The following SPATA16 variants were observed in gnomAD, a reference collection of about 807,000 sequenced individuals.
SPATA16 encodes the protein spermatogenesis associated 16.
In SPATA16, 36 loss-of-function variants were observed where a neutral mutation model predicts 63.3. That is an observed-to-expected ratio of 0.57 (90% confidence interval 0.44 to 0.75). The LOEUF is 0.75. SPATA16 is among the 30% of genes least tolerant of loss of function. The probability of loss-of-function intolerance (pLI) is 0.00; values close to 1 mark genes in which losing one functional copy is unlikely to be tolerated. For synonymous variants in SPATA16, 203 were observed against 216.7 expected (o/e 0.94, Z 0.56); for missense variants, 646 against 679.3 (o/e 0.95, Z 0.54).
intron 2 of SPATA16, among the ~76,000 whole-genome samples, chr3:173,108,348 A>C (rs1477691530): frequency 6.6e-6 from 1 of 152,198 alleles, no homozygotes; most frequent in African/African-American, 2.4e-5. Flanking sequence ...ATGACAATTT[A>C]CATTTTTATA....
At chr3:173,057,115 C>CT (rs397876631) in intron 2 of SPATA16, among the ~76,000 whole-genome samples, 39,701 of 138,116 alleles carry the variant, frequency 0.29, 5,788 homozygotes, top group East Asian at 0.39. Flanking sequence ...CTTTTCTTTT[C>CT]TTTTTTTTTT....
intron 2 of SPATA16, among the ~76,000 whole-genome samples, chr3:173,116,327 G>A (rs1002449845): frequency 8.5e-5 from 13 of 152,176 alleles, no homozygotes; most frequent in African/African-American, 2.4e-4. Context: ...GCATTGAAAT[G>A]TTTTTTGTAA....
At chr3:173,061,677 C>T (rs998283442) in intron 2 of SPATA16, among the ~76,000 whole-genome samples, 1 of 152,158 alleles carries the variant, frequency 6.6e-6, no homozygotes, top group African/African-American at 2.4e-5. Context: ...GAAAGAAGCT[C>T]TACACTGTAG....
intron 7 of SPATA16, among the ~76,000 whole-genome samples, 186 bp downstream of exon 7, chr3:172,925,160 G>C (rs1455957213): frequency 2.6e-5 from 4 of 152,196 alleles, no homozygotes; most frequent in South Asian, 2.1e-4. Flanking sequence ...ATTAGAGTGA[G>C]GGGGGTGGGC....
intron 3 of SPATA16, among the ~76,000 whole-genome samples, chr3:173,027,706 A>G (rs145178800): frequency 1.3e-3 from 200 of 151,798 alleles, no homozygotes; most frequent in Admixed American, 2.4e-3. Context: ...TCCTCTTGGT[A>G]TCTTCCCCGG....
intron 4 of SPATA16, among the ~76,000 whole-genome samples, chr3:173,014,259 G>T (rs1005626127): frequency 6.6e-6 from 1 of 152,184 alleles, no homozygotes; most frequent in Non-Finnish European, 1.5e-5. Flanking sequence ...GCCATATAAA[G>T]AATGAAACCA....
intron 6 of SPATA16, among the ~76,000 whole-genome samples, chr3:172,956,063 A>G (rs892637955): frequency 1.3e-5 from 2 of 152,176 alleles, no homozygotes; most frequent in Admixed American, 6.6e-5. Flanking sequence ...TTTAATGCCA[A>G]AAAAATCCTC....
At chr3:173,118,487 G>A (rs78123760) in intron 1 of SPATA16, among the ~76,000 whole-genome samples, 1,953 of 152,212 alleles carry the variant, frequency 0.013, 41 homozygotes, top group African/African-American at 0.044. Context: ...ACAGTCTTTT[G>A]ATTCCAAGAT....
chr3:172,954,213 A>T (rs1733517298), intron 6 of SPATA16, among the ~76,000 whole-genome samples: 1 of 152,218 alleles, frequency 6.6e-6, no homozygotes, highest in Admixed American at 6.5e-5. Flanking sequence ...GGGAGGCCTC[A>T]CAATCATGGT....
intron 6 of SPATA16, among the ~76,000 whole-genome samples, chr3:172,929,242 AT>A (rs1328491337): frequency 6.6e-6 from 1 of 152,216 alleles, no homozygotes; most frequent in Non-Finnish European, 1.5e-5. Context: ...TTAAAAAAAA[AT>A]CAGTTTGCAT....
At chr3:172,959,042 C>A (rs9852333) in intron 5 of SPATA16, among the ~76,000 whole-genome samples, 1 of 151,922 alleles carries the variant, frequency 6.6e-6, no homozygotes, top group Non-Finnish European at 1.5e-5. Context: ...CTGATGGTCT[C>A]TGAATATCTT....
At chr3:173,116,418 T>C (rs558823978) in intron 2 of SPATA16, among the ~76,000 whole-genome samples, 25 of 152,350 alleles carry the variant, frequency 1.6e-4, no homozygotes, top group Non-Finnish European at 2.8e-4. Flanking sequence ...GGTCCTTCTA[T>C]AGGTACAGTA....
At chr3:173,137,069 G>A (rs993443527) in intron 1 of SPATA16, among the ~76,000 whole-genome samples, 1 of 152,138 alleles carries the variant, frequency 6.6e-6, no homozygotes, top group African/African-American at 2.4e-5. Context: ...GTAGAAATGG[G>A]GTCTAAAGAG....
At chr3:172,936,717 A>AC (rs1042617636) in intron 6 of SPATA16, among the ~76,000 whole-genome samples, 70 of 151,432 alleles carry the variant, frequency 4.6e-4, no homozygotes, top group African/African-American at 1.6e-3. Context: ...TTATTTATTT[A>AC]TTTTTTTTGA....
At chr3:173,065,813 G>A (rs1376861272) in intron 2 of SPATA16, among the ~76,000 whole-genome samples, 1 of 152,098 alleles carries the variant, frequency 6.6e-6, no homozygotes, top group Admixed American at 6.6e-5. Flanking sequence ...TGGGCCAGAG[G>A]GGAATTCCCT....
chr3:172,972,874 C>G (rs115313647), intron 5 of SPATA16, among the ~76,000 whole-genome samples: 2 of 152,018 alleles, frequency 1.3e-5, no homozygotes, highest in Admixed American at 1.3e-4. Flanking sequence ...AACAAATTGC[C>G]GACATAGATA....
intron 1 of SPATA16, among the ~76,000 whole-genome samples, chr3:173,130,383 A>AAAAAAAAAAAT (rs1738345363): frequency 6.7e-6 from 1 of 149,862 alleles, no homozygotes; most frequent in East Asian, 1.9e-4. Flanking sequence ...AAAAAAAAAA[A>AAAAAAAAAAAT]GAAATTCTAT....
At chr3:172,895,882 G>A (rs551665938) in intron 10 of SPATA16, among the ~76,000 whole-genome samples, 225 of 151,832 alleles carry the variant, frequency 1.5e-3, no homozygotes, top group Non-Finnish European at 2.8e-3. Context: ...TGTAAAATAA[G>A]TTATAAACAT....
chr3:173,139,893 G>A (rs947233452), intron 1 of SPATA16, among the ~76,000 whole-genome samples: 3 of 152,184 alleles, frequency 2.0e-5, no homozygotes, highest in Non-Finnish European at 2.9e-5. Context: ...GCTGAGGCAG[G>A]AGAATCACTT....
Sources: allele counts gnomAD v4.1 joint callset (sites outside exome capture counted in the v4.1 genomes callset), GRCh38; gene constraint gnomAD v4.1.1; transcripts MANE v1.5; gene names NCBI Gene and HGNC (gene_info 2026-07-23, HGNC 2026-07-21).